AP3D1: variants seen among roughly 807,000 people sequenced by gnomAD.
AP3D1 encodes AP-3 complex subunit delta-1.
AP3D1 carries 51 observed loss-of-function variants against 147.6 expected under a neutral mutation model. The observed-to-expected ratio is 0.35, with a 90% CI of 0.28 to 0.44. AP3D1 has a LOEUF of 0.44. AP3D1 is among the 20% of genes least tolerant of loss of function. The pLI is 1.00. For synonymous variants in AP3D1, 760 were observed against 663.0 expected (o/e 1.15, Z -2.25); for missense variants, 1,421 against 1,624.2 (o/e 0.87, Z 2.15).
chr19:2,118,542 G>T, intron 15 of AP3D1, 59 bp downstream of exon 15: 1 of 1,521,896 alleles, frequency 6.6e-7, no homozygotes, highest in Non-Finnish European at 8.9e-7. Flanking sequence ...GCCGCCACTG[G>T]ACAGAAAGGC....
intron 9 of AP3D1, among the ~76,000 whole-genome samples, chr19:2,126,232 G>T (rs2018751172): frequency 6.6e-6 from 1 of 152,198 alleles, no homozygotes; most frequent in South Asian, 2.1e-4. Flanking sequence ...CCATAAGGAA[G>T]TCCACCGCCC....
chr19:2,113,187 C>A (rs2018336360), intron 23 of AP3D1, 149 bp downstream of exon 23: 2 of 634,848 alleles, frequency 3.2e-6, no homozygotes, highest in South Asian at 2.0e-5. Context: ...GGGAGCATGA[C>A]CCCGGCTCCA....
chr19:2,110,372 G>A (rs773498681), intron 27 of AP3D1, 148 bp from the exon 28 acceptor site: 2 of 714,200 alleles, frequency 2.8e-6, no homozygotes, highest in South Asian at 1.7e-5. Flanking sequence ...GACAGGAGCA[G>A]AAACAAGAGG....
At chr19:2,150,087 G>C (rs1479001894) in intron 1 of AP3D1, among the ~76,000 whole-genome samples, 3 of 152,206 alleles carry the variant, frequency 2.0e-5, no homozygotes, top group African/African-American at 7.2e-5. Context: ...AAGTGTAAAG[G>C]TGTAACAATA....
Position 2,151,358 on chromosome 19 carries a change from C to G in AP3D1, c.-24G>C. 6.6e-7 allele frequency: 1 copy of G among 1,512,260 alleles called. No individual in the cohort carries two copies. Among genetic ancestry groups the G allele is most frequent in the Non-Finnish European group, 8.9e-7 (1 of 1,122,782 alleles). 93.7% of individuals were successfully genotyped at this position (1,512,260 alleles called of 1,614,324 possible). ...ATCGCGGCGGCCCACGGGCTTTTGC[C>G]TCGGGAGGCCCGCGGCTGGGCGCCG... On this transcript the variant is annotated 5_prime_UTR_variant, in exon 1 of 32. Coordinates refer to ENST00000643116, the MANE Select transcript of AP3D1 (RefSeq NM_001261826.3).
In AP3D1 at chr19:2,151,244, C is replaced by G; in HGVS notation, c.91G>C (p.Asp31His). 6.2e-7 allele frequency: 1 copy of G among 1,610,818 alleles called. No individual in the cohort carries two copies. The highest frequency in any genetic ancestry group is 1.7e-5 in the Admixed American group (1 of 59,840). ...CCTTGGCGCGCCGGGCTCACCTCGT[C>G]CTCCTTGTGGTTACGGATGCCGCGG... ...LVRGIRNHKEDEAKYISQCID... is the reference protein window; with the variant it reads ...LVRGIRNHKEHEAKYISQCID... The change falls in exon 1 of 32, where the codon GAC becomes CAC. Residue 31 changes from aspartate to histidine, a missense_variant. By Grantham distance (81) the Asp-to-His change is moderately conservative. Around this residue, in one of 6 missense-constraint regions of AP3D1, gnomAD observed 292 missense variants for 412.0 expected, o/e 0.71. Coordinates refer to ENST00000643116, the MANE Select transcript of AP3D1 (RefSeq NM_001261826.3).
chr19:2,140,755 CTTTTTTTTTTTT>C (rs71176516), intron 1 of AP3D1, among the ~76,000 whole-genome samples: 2 of 107,196 alleles, frequency 1.9e-5, no homozygotes, highest in African/African-American at 3.4e-5. Context: ...ACACAAACGT[CTTTTTTTTTTTT>C]TTTTTTTTTT....
chr19:2,102,768 T>C (rs1021339210), intron 31 of AP3D1, among the ~76,000 whole-genome samples: 9 of 131,960 alleles, frequency 6.8e-5, no homozygotes, highest in African/African-American at 2.2e-4. Flanking sequence ...AATAAATAAA[T>C]AAATAAATAA....
intron 1 of AP3D1, among the ~76,000 whole-genome samples, chr19:2,157,664 C>T (rs915629284): frequency 7.7e-6 from 1 of 129,540 alleles, no homozygotes; most frequent in East Asian, 2.7e-4. Flanking sequence ...TTGAAAAAAA[C>T]AAACATCCAC....
chr19:2,158,913 A>T (rs1021657858), intron 1 of AP3D1, among the ~76,000 whole-genome samples: 2 of 152,224 alleles, frequency 1.3e-5, no homozygotes, highest in Non-Finnish European at 2.9e-5. Flanking sequence ...GCCTGAGCCC[A>T]GGAATGAACA....
chr19:2,138,929 G>A (rs1168497777), intron 1 of AP3D1, among the ~76,000 whole-genome samples: 6 of 151,614 alleles, frequency 4.0e-5, no homozygotes, highest in Admixed American at 2.0e-4. Context: ...GCGTGGTGGC[G>A]GGCGCCTGTA....
At chr19:2,110,300 C>T in intron 27 of AP3D1, 76 bp from the exon 28 acceptor site, 6 of 1,247,476 alleles carry the variant, frequency 4.8e-6, no homozygotes, top group South Asian at 1.2e-5. Flanking sequence ...GGTCTGTCCT[C>T]AGTCCCAAGT....
chr19:2,113,960 C>G (rs1216028077), intron 22 of AP3D1, among the ~76,000 whole-genome samples, 165 bp downstream of exon 22: 1 of 152,106 alleles, frequency 6.6e-6, no homozygotes, highest in Non-Finnish European at 1.5e-5. Flanking sequence ...CAGCTCCCCT[C>G]AGAAGCCACA....
At chr19:2,131,683 A>G (rs2018951688) in intron 5 of AP3D1, among the ~76,000 whole-genome samples, 1 of 69,266 alleles carries the variant, frequency 1.4e-5, no homozygotes. Context: ...GACTGCGCCC[A>G]TCGGCCACGA....
chr19:2,157,459 A>AC (rs1240358049), intron 1 of AP3D1, among the ~76,000 whole-genome samples: 1 of 149,308 alleles, frequency 6.7e-6, no homozygotes, highest in African/African-American at 2.5e-5. Context: ...AAAAAAAAAA[A>AC]AGAAAAAAAC....
intron 27 of AP3D1, 57 bp downstream of exon 27, chr19:2,110,650 A>AGCT: frequency 1.4e-6 from 2 of 1,480,464 alleles, no homozygotes; most frequent in Non-Finnish European, 1.8e-6. Context: ...GGCAGTCACC[A>AGCT]GCTGCCACTG....
intron 22 of AP3D1, 121 bp from the exon 23 acceptor site, chr19:2,113,534 T>A (rs1241925893): frequency 9.2e-6 from 5 of 545,032 alleles, no homozygotes; most frequent in Non-Finnish European, 1.6e-5. Flanking sequence ...CTGGACTAGC[T>A]GGGCCTTGCA....
Position 2,130,265 on chromosome 19 carries a change from C to T in AP3D1, c.592+143G>A, listed in dbSNP as rs2018900593. 5 of 1,329,344 alleles carry T rather than the reference C, an allele frequency of 3.8e-6. No individual in the cohort carries two copies. In the South Asian group the frequency reaches 5.7e-5, roughly 15 times the overall value. 82.3% of individuals were successfully genotyped at this position (1,329,344 alleles called of 1,614,324 possible). On this transcript the variant is annotated intron_variant, in intron 6 of 31. Transcript: ENST00000643116. ...TCCTGGCTGCCCCAGCAAGGGGAGG[C>T]CCAGCCACCTCCAACAGGCATGTTC...
At position 2,119,235 on chromosome 19, in the gene AP3D1, G is replaced by A. The variant is rs566168726; in HGVS notation, c.1482-403C>T. On this transcript the variant is annotated intron_variant, in intron 14 of 31. Coordinates refer to ENST00000643116, the MANE Select transcript of AP3D1 (RefSeq NM_001261826.3). ...ACACAATGCCTTGGGACTTGAATAT[G>A]TTTCTAGTCCACTTTTTTCCCAATA... Among the ~76,000 whole-genome samples the A allele has an allele frequency of 1.1e-4, 16 of 152,332 alleles. No individual in the cohort carries two copies. In the East Asian group the frequency reaches 2.5e-3, roughly 24 times the overall value.
Sources: gnomAD v4.1 joint callset for allele counts (sites outside exome capture counted in the v4.1 genomes callset) on GRCh38, gnomAD v4.1.1 for gene constraint, gnomAD v4.1.1 regional missense constraint, MANE v1.5 for transcripts, NCBI Gene and HGNC (gene_info 2026-07-23, HGNC 2026-07-21) for gene names.